The following CYP3A4 variants were observed in gnomAD, a reference collection of about 807,000 sequenced individuals.
CYP3A4 encodes cytochrome P450 family 3 subfamily A member 4.
A neutral mutation model predicts 54.9 loss-of-function variants in CYP3A4; 41 were observed. That is an observed-to-expected ratio of 0.75 (90% CI 0.58 to 0.97). The LOEUF (loss-of-function observed/expected upper bound fraction) is 0.97. CYP3A4 is among the 50% of genes least tolerant of loss of function. CYP3A4 has a pLI of 0.00. For missense variants in CYP3A4, 510 were observed against 597.3 expected (o/e 0.85, Z 1.52); for synonymous variants, 179 against 205.2 (o/e 0.87, Z 1.09).
chr7:99,771,702 C>G (rs1326090631), intron 4 of CYP3A4, among the ~76,000 whole-genome samples: 1 of 152,102 alleles, frequency 6.6e-6, no homozygotes, highest in East Asian at 1.9e-4. Context: ...TCACTCTACA[C>G]GAGGTTAAGA....
chr7:99,768,226 C>T, intron 7 of CYP3A4, 128 bp downstream of exon 7: 1 of 1,120,322 alleles, frequency 8.9e-7, no homozygotes, highest in Non-Finnish European at 1.3e-6. Context: ...TCACACATAT[C>T]TTCAAATGTA....
chr7:99,783,160 A>G (rs567165649), intron 1 of CYP3A4, among the ~76,000 whole-genome samples: 2 of 152,186 alleles, frequency 1.3e-5, no homozygotes, highest in Non-Finnish European at 1.5e-5. Context: ...TTTTCCTGTC[A>G]TTATGATTCC....
intron 4 of CYP3A4, among the ~76,000 whole-genome samples, chr7:99,771,536 A>G (rs1001771604): frequency 1.3e-5 from 2 of 152,250 alleles, no homozygotes; most frequent in African/African-American, 4.8e-5. Flanking sequence ...CACATTTTCC[A>G]TAAACTGGTC....
At position 99,777,707 on chromosome 7, in the gene CYP3A4, G is replaced by A. The variant is rs570844092; in HGVS notation, c.218+321C>T. 2.7e-4 allele frequency among the ~76,000 whole-genome samples: 41 copies of A among 152,208 alleles called. 1 individual carries two copies. Among genetic ancestry groups the A allele is most frequent in the Admixed American group, 2.6e-4 (4 of 15,278 alleles). ...ACTGCCTGTCCAACCTTGGTGAGGC[G>A]TCACCCTTGTTACTGATCTTTGTAG... On this transcript the variant is annotated intron_variant, in intron 3 of 12. Transcript: ENST00000651514.
chr7:99,762,185 G>A lies in CYP3A4; in HGVS notation c.1109C>T (p.Ala370Val), dbSNP rs1309748501. The change falls in exon 11 of 13, where the codon GCT becomes GTT. Residue 370 changes from alanine (A) to valine (V), a missense_variant. Physicochemically the swap from Ala to Val is moderately conservative, Grantham distance 64. Transcript: ENST00000651514. The part of the protein sequence containing the change: ...VNETLRLFPI[A>V]MRLERVCKKD... ...TTTGCAGACCCTCTCAAGTCTCATAGCAATTGGGAATAATCTGAGCGTTTC... is the reference window on the plus strand; with the variant it reads ...TTTGCAGACCCTCTCAAGTCTCATAACAATTGGGAATAATCTGAGCGTTTC... 1.4e-5 allele frequency: 23 copies of A among 1,613,958 alleles called. No homozygotes were observed. In the East Asian group the frequency reaches 5.1e-4, roughly 36 times the overall value.
Position 99,767,206 on chromosome 7 carries a change from A to G in CYP3A4, c.723T>C (p.Phe241=). ...PILEVLNICV[F]PREVTNFLRK... ...TTAAAAAATTTGTAACTTCTCTTGG[A>G]AACACACAGATATTTAATACTTCAA... is the stretch of plus-strand genomic sequence containing the variant. Residue 241 remains phenylalanine (F), a synonymous_variant, in exon 8 of 13, where the codon TTT becomes TTC. Coordinates refer to ENST00000651514, the MANE Select transcript of CYP3A4 (RefSeq NM_017460.6). 3 of 1,611,020 alleles carry G rather than the reference A, an allele frequency of 1.9e-6. No homozygotes were observed. Among genetic ancestry groups the G allele is most frequent in the Non-Finnish European group, 2.5e-6 (3 of 1,178,170 alleles).
chr7:99,770,282 T>C (rs750673543), intron 4 of CYP3A4, 47 bp from the exon 5 acceptor site: 1 of 1,506,788 alleles, frequency 6.6e-7, no homozygotes, highest in Non-Finnish European at 9.2e-7. Context: ...GTTGTGGAGG[T>C]CTCCATGGTT....
At chr7:99,763,394 T>G (rs541210963) in intron 10 of CYP3A4, among the ~76,000 whole-genome samples, 1 of 151,032 alleles carries the variant, frequency 6.6e-6, no homozygotes, top group East Asian at 1.9e-4. Flanking sequence ...TTGTTACCTT[T>G]CAAAAAAAAA....
intron 12 of CYP3A4, among the ~76,000 whole-genome samples, chr7:99,758,601 G>T (rs879802275): frequency 8.5e-5 from 13 of 152,280 alleles, no homozygotes; most frequent in Admixed American, 3.3e-4. Flanking sequence ...TAAAATGGAT[G>T]AGTTTTTAAA....
intron 3 of CYP3A4, among the ~76,000 whole-genome samples, chr7:99,776,659 G>A (rs1239529127): frequency 6.6e-5 from 10 of 152,000 alleles, no homozygotes; most frequent in African/African-American, 9.7e-5. Flanking sequence ...ACATGGACAC[G>A]GGGAGGGAAA....
At chr7:99,759,346 TATA>T (rs1160675210) in intron 12 of CYP3A4, among the ~76,000 whole-genome samples, 3 of 152,246 alleles carry the variant, frequency 2.0e-5, no homozygotes, top group East Asian at 1.9e-4. Context: ...TTTCTATAAA[TATA>T]ATACCTTATT....
chr7:99,784,164 T>G lies in CYP3A4; in HGVS notation c.-83A>C. On this transcript the variant is annotated 5_prime_UTR_variant, in exon 1 of 13. Coordinates refer to ENST00000651514, the MANE Select transcript of CYP3A4 (RefSeq NM_017460.6). Reference sequence around the variant, plus strand: ...CTTTGCTGGGCTATGTGCATGGAGCTTTCCTGCCCTGCACAGCAGTGATTC... The same window carrying G: ...CTTTGCTGGGCTATGTGCATGGAGCGTTCCTGCCCTGCACAGCAGTGATTC... The G allele has an allele frequency of 7.8e-7, 1 of 1,276,124 alleles. No individual in the cohort carries two copies. Among genetic ancestry groups the G allele is most frequent in the Non-Finnish European group, 1.1e-6 (1 of 876,834 alleles). The allele number at this position is 1,276,124 out of a possible 1,614,324, so 79.1% of individuals were successfully genotyped here.
chr7:99,783,085 T>TTGCC (rs1815967543), intron 1 of CYP3A4, among the ~76,000 whole-genome samples: 1 of 152,222 alleles, frequency 6.6e-6, no homozygotes, highest in Non-Finnish European at 1.5e-5. Flanking sequence ...GGAAAATATG[T>TTGCC]TGCCACAACT....
At chr7:99,768,560 A>C (rs963235598) in intron 6 of CYP3A4, 58 bp from the exon 7 acceptor site, 12 of 1,611,372 alleles carry the variant, frequency 7.4e-6, no homozygotes, top group African/African-American at 6.7e-5. Context: ...TCCTTCCTCT[A>C]TGCATGCAAC....
intron 7 of CYP3A4, among the ~76,000 whole-genome samples, chr7:99,767,903 A>G (rs527277737): frequency 6.6e-6 from 1 of 152,280 alleles, no homozygotes; most frequent in East Asian, 1.9e-4. Context: ...ATTTAGAGGA[A>G]CAAAAAAATC....
intron 10 of CYP3A4, among the ~76,000 whole-genome samples, chr7:99,763,636 G>A (rs1815396957): frequency 1.3e-5 from 2 of 152,206 alleles, no homozygotes; most frequent in East Asian, 1.9e-4. Flanking sequence ...ATAGAAAGCA[G>A]ATGAACCAGA....
At chr7:99,759,916 G>C (rs777839255) in intron 12 of CYP3A4, among the ~76,000 whole-genome samples, 50 of 151,960 alleles carry the variant, frequency 3.3e-4, no homozygotes, top group Non-Finnish European at 7.2e-4. Context: ...CTCACTGCAG[G>C]CTCCGCTCCC....
chr7:99,759,297 G>A (rs1489438320), intron 12 of CYP3A4, among the ~76,000 whole-genome samples: 4 of 152,232 alleles, frequency 2.6e-5, no homozygotes, highest in East Asian at 1.9e-4. Flanking sequence ...AATCAATGAC[G>A]TCTGTTCTTT....
chr7:99,760,309 G>A (rs1456246924), intron 12 of CYP3A4, among the ~76,000 whole-genome samples: 1 of 152,116 alleles, frequency 6.6e-6, no homozygotes, highest in Non-Finnish European at 1.5e-5. Context: ...AGAAGCAATG[G>A]GGAAGCTTTT....
Sources: gnomAD v4.1 joint callset for allele counts (sites outside exome capture counted in the v4.1 genomes callset) on GRCh38, gnomAD v4.1.1 for gene constraint, MANE v1.5 for transcripts, NCBI Gene and HGNC (gene_info 2026-07-23, HGNC 2026-07-21) for gene names.